SDK1: variants seen among roughly 807,000 people sequenced by gnomAD.
SDK1 encodes the protein sidekick cell adhesion molecule 1.
Under a neutral mutation model 245.5 loss-of-function variants are expected in SDK1, and 157 were observed. The ratio of observed to expected loss-of-function variants is 0.64; its 90% CI spans 0.56 to 0.73. The LOEUF is 0.73. Among genes scored for constraint, SDK1 ranks in the 30% least tolerant of loss-of-function variants. The probability of loss-of-function intolerance (pLI) is 0.00; values close to 1 mark genes in which losing one functional copy is unlikely to be tolerated. For missense variants in SDK1, 3,583 were observed against 3,002.3 expected, an observed-to-expected ratio of 1.19 and a Z score of -4.52; for synonymous variants, 1,647 against 1,278.5, an observed-to-expected ratio of 1.29 and a Z score of -6.15.
intron 4 of SDK1, among the ~76,000 whole-genome samples, chr7:3,800,992 C>T (rs1158982157): frequency 6.6e-6 from 1 of 152,196 alleles, no homozygotes; most frequent in Non-Finnish European, 1.5e-5. Flanking sequence ...CCCACCCTAA[C>T]AGAAATGTCC....
chr7:4,068,974 A>T (rs1192291381), intron 20 of SDK1, among the ~76,000 whole-genome samples: 2 of 152,120 alleles, frequency 1.3e-5, no homozygotes, highest in Admixed American at 1.3e-4. Flanking sequence ...CACCTGCCTC[A>T]GCCTCCCAAA....
intron 5 of SDK1, among the ~76,000 whole-genome samples, chr7:3,949,448 C>G (rs1780709768): frequency 6.6e-6 from 1 of 152,240 alleles, no homozygotes; most frequent in South Asian, 2.1e-4. Flanking sequence ...CTCCGCGGCC[C>G]TCACCCCACC....
intron 1 of SDK1, among the ~76,000 whole-genome samples, chr7:3,311,826 A>G (rs958328944): frequency 3.3e-5 from 5 of 152,202 alleles, no homozygotes; most frequent in Admixed American, 3.3e-4. Flanking sequence ...GGTGCCAGCT[A>G]TGAACAGAAA....
At chr7:3,400,062 A>G (rs1778846311) in intron 1 of SDK1, among the ~76,000 whole-genome samples, 1 of 152,086 alleles carries the variant, frequency 6.6e-6, no homozygotes. Flanking sequence ...AGCAGGTCAG[A>G]CAGTGACAGT....
At chr7:3,830,876 A>T (rs1562476278) in intron 5 of SDK1, among the ~76,000 whole-genome samples, 1 of 152,198 alleles carries the variant, frequency 6.6e-6, no homozygotes, top group African/African-American at 2.4e-5. Flanking sequence ...GTTTATAGGG[A>T]ATTGAAGATA....
intron 1 of SDK1, chr7:3,476,195 T>C (rs1781343723): frequency 6.6e-6 from 1 of 152,602 alleles, no homozygotes; most frequent in Admixed American, 6.5e-5. Flanking sequence ...ATATGAAAAC[T>C]GTTCCTGTGC....
chr7:3,756,712 C>G, intron 4 of SDK1, among the ~76,000 whole-genome samples: 1 of 152,194 alleles, frequency 6.6e-6, no homozygotes, highest in Non-Finnish European at 1.5e-5. Flanking sequence ...TCTTTCTGTA[C>G]TGTCTACAAC....
chr7:3,813,018 A>G lies in SDK1; in HGVS notation c.714-8432A>G, dbSNP rs1779422779. On this transcript the variant is annotated intron_variant, in intron 4 of 44. Coordinates refer to ENST00000404826, the MANE Select transcript of SDK1 (RefSeq NM_152744.4). ...GCAAGTGTTTGCTCTTGATGGAATA[A>G]ACATATCACTCTGGCGACTTAACAT... Among the ~76,000 whole-genome samples, 3 of 152,366 alleles carry G rather than the reference A, an allele frequency of 2.0e-5. No individual in the cohort carries two copies. In the South Asian group the frequency reaches 6.2e-4, roughly 32 times the overall value.
chr7:3,641,327 A>G (rs1027881597), intron 3 of SDK1, among the ~76,000 whole-genome samples: 2 of 152,146 alleles, frequency 1.3e-5, no homozygotes, highest in Non-Finnish European at 2.9e-5. Context: ...CCTACATTCT[A>G]ATAGCTATGT....
At chr7:3,544,710 C>G (rs35568114) in intron 1 of SDK1, among the ~76,000 whole-genome samples, 9,980 of 152,280 alleles carry the variant, frequency 0.066, 414 homozygotes, top group East Asian at 0.17. Context: ...TGCTACAGCA[C>G]TTACCAACCA....
chr7:3,592,693 G>A (rs546389077), intron 1 of SDK1, among the ~76,000 whole-genome samples: 2 of 152,176 alleles, frequency 1.3e-5, no homozygotes, highest in African/African-American at 2.4e-5. Flanking sequence ...CTGATGAAGC[G>A]TGGGGACTCG....
intron 41 of SDK1, among the ~76,000 whole-genome samples, chr7:4,233,841 C>T (rs375978846): frequency 2.6e-5 from 4 of 152,162 alleles, no homozygotes; most frequent in African/African-American, 9.7e-5. Context: ...CCAGCACCAC[C>T]AGCAAGGCCC....
intron 4 of SDK1, among the ~76,000 whole-genome samples, chr7:3,818,330 G>T (rs374126935): frequency 6.6e-6 from 1 of 152,106 alleles, no homozygotes; most frequent in African/African-American, 2.4e-5. Flanking sequence ...TTCATATTAT[G>T]GGCAAAGTAT....
intron 22 of SDK1, among the ~76,000 whole-genome samples, chr7:4,081,162 G>A (rs554434524): frequency 1.3e-5 from 2 of 152,204 alleles, no homozygotes; most frequent in African/African-American, 2.4e-5. Flanking sequence ...AGGCCACAGC[G>A]ACAGAAACGC....
chr7:3,499,027 T>C (rs1253381288), intron 1 of SDK1, among the ~76,000 whole-genome samples: 1 of 152,246 alleles, frequency 6.6e-6, no homozygotes, highest in Non-Finnish European at 1.5e-5. Context: ...TTTTGTTTTA[T>C]ACTTTGTGTT....
chr7:3,644,601 T>A (rs1444825070), intron 4 of SDK1, among the ~76,000 whole-genome samples: 1 of 150,256 alleles, frequency 6.7e-6, no homozygotes. Context: ...TTATCTCTAC[T>A]GAAAATTAAA....
At chr7:3,819,222 C>T (rs922064206) in intron 4 of SDK1, among the ~76,000 whole-genome samples, 10 of 144,320 alleles carry the variant, frequency 6.9e-5, no homozygotes, top group Non-Finnish European at 7.4e-5. Flanking sequence ...GTCTTTTTGG[C>T]AGCAGCAGTT....
intron 22 of SDK1, among the ~76,000 whole-genome samples, chr7:4,081,206 T>C (rs143068643): frequency 2.9e-4 from 44 of 152,280 alleles, no homozygotes; most frequent in African/African-American, 1.0e-3. Flanking sequence ...CAAAAGCTCA[T>C]CTGTGCATCC....
At chr7:3,777,593 C>T (rs1326692758) in intron 4 of SDK1, among the ~76,000 whole-genome samples, 1 of 152,178 alleles carries the variant, frequency 6.6e-6, no homozygotes, top group African/African-American at 2.4e-5. Context: ...GACCTGAGCC[C>T]CCTCTGCCAA....
Sources: allele counts gnomAD v4.1 joint callset (sites outside exome capture counted in the v4.1 genomes callset), GRCh38; gene constraint gnomAD v4.1.1; transcripts MANE v1.5; gene names NCBI Gene and HGNC (gene_info 2026-07-23, HGNC 2026-07-21).